The following MYCBP2 variants were observed in gnomAD, a reference collection of about 807,000 sequenced individuals.
MYCBP2 encodes the protein E3 ubiquitin-protein ligase MYCBP2.
Under a neutral mutation model 525.3 loss-of-function variants are expected in MYCBP2, and 120 were observed. The observed-to-expected ratio is 0.23, with a 90% CI of 0.20 to 0.27. MYCBP2 has a LOEUF of 0.27. Among genes scored for constraint, MYCBP2 ranks in the 10% least tolerant of loss-of-function variants. The pLI is 1.00. For missense variants in MYCBP2, 4,149 were observed against 5,657.1 expected, an observed-to-expected ratio of 0.73 and a Z score of 8.55; for synonymous variants, 1,894 against 1,955.8, an observed-to-expected ratio of 0.97 and a Z score of 0.83.
intron 55 of MYCBP2, among the ~76,000 whole-genome samples, chr13:77,120,032 T>A (rs1023572843): frequency 1.3e-5 from 2 of 152,212 alleles, no homozygotes; most frequent in East Asian, 3.8e-4. Context: ...TTTAATAAAT[T>A]ATAATGACTG....
rs759010596 is a variant in MYCBP2, at chr13:77,081,699, T to C, written c.11194-48A>G. The C allele has an allele frequency of 1.3e-6, 2 of 1,548,048 alleles. No individual in the cohort carries two copies. Among genetic ancestry groups the C allele is most frequent in the Non-Finnish European group, 1.7e-6 (2 of 1,145,402 alleles). On this transcript the variant is annotated intron_variant, in intron 64 of 82. Coordinates refer to ENST00000544440, the MANE Select transcript of MYCBP2 (RefSeq NM_015057.5). The surrounding 1 kb of genome is among the most constrained non-coding windows in gnomAD (Gnocchi z 4.6). ...CTTATGATACTTAAAAGCAAATCTT[T>C]CGTGATGATAAAACAAACAGGTATA...
intron 27 of MYCBP2, among the ~76,000 whole-genome samples, chr13:77,192,937 T>C (rs1242393546): frequency 6.6e-6 from 1 of 151,934 alleles, no homozygotes; most frequent in Non-Finnish European, 1.5e-5. Context: ...AAGGCCAGCC[T>C]GGTCAGCATG....
intron 74 of MYCBP2, 127 bp from the exon 75 acceptor site, chr13:77,061,917 A>G (rs1420802367): frequency 1.0e-6 from 1 of 972,296 alleles, no homozygotes; most frequent in Non-Finnish European, 1.4e-6. Flanking sequence ...TAGAATCTGA[A>G]TATTAAACAG....
rs2043578535 is a variant in MYCBP2 at position 77,083,017 on chromosome 13, G to A, written c.11036+15C>T. On this transcript the variant is annotated intron_variant, in intron 63 of 82. Coordinates refer to ENST00000544440, the MANE Select transcript of MYCBP2 (RefSeq NM_015057.5). ...CTTGTCCAATGTACCTAGGATATGT[G>A]GATACCAAAATTACCTCAGGGCCAT... 1 of 1,608,038 alleles carries A rather than the reference G, an allele frequency of 6.2e-7. No individual in the cohort carries two copies. Among genetic ancestry groups the A allele is most frequent in the Non-Finnish European group, 8.5e-7 (1 of 1,176,876 alleles).
intron 69 of MYCBP2, 24 bp downstream of exon 69, chr13:77,070,607 A>ACAG: frequency 6.6e-7 from 1 of 1,519,632 alleles, no homozygotes; most frequent in Non-Finnish European, 9.1e-7. Flanking sequence ...ACTAATGAAG[A>ACAG]CAATGAAATA....
chr13:77,058,333 T>C lies in MYCBP2; in HGVS notation c.13214A>G (p.His4405Arg), dbSNP rs1481716863. 2 of 1,614,002 alleles carry C rather than the reference T, an allele frequency of 1.2e-6. No homozygotes were observed. The highest frequency in any genetic ancestry group is 1.7e-6 in the Non-Finnish European group (2 of 1,180,014). ...ACAGCCGTGTAGACAGGGCAGACAG[T>C]GCTCTTCGTTTTTAACACCCCCGCA... ...HPCGGVKNEE[H>R]CLPCLHGCDK... The change falls in exon 78 of 83, where the codon CAC (histidine) becomes CGC (arginine). Residue 4405 changes from histidine to arginine, a missense_variant. Around this residue, in one of 21 missense-constraint regions of MYCBP2, gnomAD observed 220 missense variants for 396.0 expected, o/e 0.56. Coordinates refer to ENST00000544440, the MANE Select transcript of MYCBP2 (RefSeq NM_015057.5). The surrounding 1 kb of genome is among the most constrained non-coding windows in gnomAD (Gnocchi z 4.1).
Position 77,169,522 on chromosome 13 carries a change from G to C in MYCBP2, c.5895+92C>G. 3 of 1,044,868 alleles carry C rather than the reference G, an allele frequency of 2.9e-6. 1 individual carries two copies. The highest frequency in any genetic ancestry group is 2.7e-5 in the South Asian group (2 of 72,820). The allele number at this position is 1,044,868 out of a possible 1,614,324, so 64.7% of individuals were successfully genotyped here. ...TTACCTATATCCCAGATGCCTCAAA[G>C]ATGCAAGTTTTTGTAAAGACAAGAC... On this transcript the variant is annotated intron_variant, in intron 39 of 82. Coordinates refer to ENST00000544440, the MANE Select transcript of MYCBP2 (RefSeq NM_015057.5).
At position 77,132,071 on chromosome 13, in the gene MYCBP2, T is replaced by A. The variant is rs78841403; in HGVS notation, c.7660-5529A>T. ...TATATATATTATTACAATCTTAATT[T>A]AACTGTTTTAATCTCATTCTGTTTA... On this transcript the variant is annotated intron_variant, in intron 52 of 82. Transcript: ENST00000544440. Among the ~76,000 whole-genome samples the A allele has an allele frequency of 1.0e-3, 159 of 152,314 alleles. 5 individuals are homozygous for A. The East Asian group carries it at 0.03, about 29-fold the overall frequency.
rs1242927417 is a variant in MYCBP2, at chr13:77,055,599, T to G, written c.13606A>C (p.Met4536Leu). The G allele has an allele frequency of 6.2e-7, 1 of 1,614,056 alleles. No individual in the cohort carries two copies. Among genetic ancestry groups the G allele is most frequent in the African/African-American group, 1.3e-5 (1 of 75,064 alleles). ...RFYNDPAGYA[M>L]NRYAYYVCYK... ...CACACATAATATGCATATCTATTCA[T>G]TGCATAGCCAGCTGGGTCATTATAA... The change falls in exon 80 of 83, where the codon ATG becomes CTG. Residue 4536 changes from methionine (M) to leucine (L), a missense_variant. Coordinates refer to ENST00000544440, the MANE Select transcript of MYCBP2 (RefSeq NM_015057.5).
At chr13:77,226,128 C>G (rs938013573) in intron 18 of MYCBP2, among the ~76,000 whole-genome samples, 1 of 152,132 alleles carries the variant, frequency 6.6e-6, no homozygotes, top group South Asian at 2.1e-4. Context: ...TATTCTTATT[C>G]ATGTTTCCTG....
intron 32 of MYCBP2, among the ~76,000 whole-genome samples, chr13:77,183,548 T>C (rs2060430891): frequency 9.0e-6 from 1 of 110,830 alleles, no homozygotes; most frequent in Non-Finnish European, 1.9e-5. Flanking sequence ...TTTCTTTTTT[T>C]TTTTTTTTTT....
intron 23 of MYCBP2, among the ~76,000 whole-genome samples, chr13:77,207,485 A>G (rs1324686609): frequency 6.6e-6 from 1 of 152,204 alleles, no homozygotes; most frequent in African/African-American, 2.4e-5. Flanking sequence ...TAATAACTAT[A>G]GAGTCTCAGT....
At chr13:77,203,817 T>C (rs1467643067) in intron 26 of MYCBP2, among the ~76,000 whole-genome samples, 1 of 151,916 alleles carries the variant, frequency 6.6e-6, no homozygotes, top group Non-Finnish European at 1.5e-5. Flanking sequence ...ATTTAATAAA[T>C]GGTGCTGGGA....
intron 18 of MYCBP2, among the ~76,000 whole-genome samples, chr13:77,226,428 T>C (rs979585447): frequency 6.6e-6 from 1 of 152,218 alleles, no homozygotes; most frequent in Non-Finnish European, 1.5e-5. Context: ...AATGTACTTC[T>C]ATACATCACT....
chr13:77,099,150 TAAAGG>T (rs2046685927), intron 55 of MYCBP2, 137 bp from the exon 56 acceptor site: 4 of 1,144,694 alleles, frequency 3.5e-6, no homozygotes, highest in South Asian at 3.1e-5. Flanking sequence ...ACTTGAAGAA[TAAAGG>T]AAAGAAGGGG....
intron 3 of MYCBP2, among the ~76,000 whole-genome samples, chr13:77,284,017 C>T (rs764193350): frequency 3.3e-5 from 5 of 152,074 alleles, no homozygotes; most frequent in Non-Finnish European, 7.4e-5. Context: ...TAGAAGCATT[C>T]AGGGAATAGA....
intron 74 of MYCBP2, 81 bp downstream of exon 74, chr13:77,062,515 G>A: frequency 1.7e-6 from 2 of 1,174,792 alleles, no homozygotes; most frequent in East Asian, 2.4e-5. Context: ...TGTGTTTTTT[G>A]TTTGTTTGTT....
At chr13:77,091,391 T>C (rs1174391343) in intron 59 of MYCBP2, among the ~76,000 whole-genome samples, 4 of 137,146 alleles carry the variant, frequency 2.9e-5, no homozygotes, top group Admixed American at 1.4e-4. Context: ...TCTACTAACT[T>C]AAAAAAAATT....
At chr13:77,251,411 T>C in intron 14 of MYCBP2, 56 bp from the exon 15 acceptor site, 1 of 1,406,664 alleles carries the variant, frequency 7.1e-7, no homozygotes, top group Non-Finnish European at 1.0e-6. Context: ...GTATAAAAGA[T>C]GGATGACTAT....
Sources: allele counts gnomAD v4.1 joint callset (sites outside exome capture counted in the v4.1 genomes callset), GRCh38; gene constraint gnomAD v4.1.1; regional missense constraint gnomAD v4.1.1; non-coding constraint Gnocchi (gnomAD v3.1); transcripts MANE v1.5; gene names NCBI Gene and HGNC (gene_info 2026-07-23, HGNC 2026-07-21).